Variants in TESC observed in about 807,000 individuals in gnomAD.
TESC encodes calcineurin B homologous protein 3.
A neutral mutation model predicts 31.0 loss-of-function variants in TESC; 19 were observed. The observed-to-expected ratio is 0.61, with a 90% CI of 0.43 to 0.90. The LOEUF is 0.90. TESC is among the 40% of genes least tolerant of loss of function. The pLI is 0.00. For missense variants in TESC, 248 were observed against 303.8 expected (o/e 0.82, Z 1.36); for synonymous variants, 109 against 114.8 (o/e 0.95, Z 0.32).
intron 2 of TESC, among the ~76,000 whole-genome samples, chr12:117,074,324 C>T (rs973577899): frequency 1.5e-4 from 22 of 151,390 alleles, no homozygotes; most frequent in African/African-American, 4.9e-4. Flanking sequence ...GCTATGATCA[C>T]AACACTGCAC....
Position 117,056,862 on chromosome 12 carries a change from C to T in TESC, c.153G>A (p.Pro51=), listed in dbSNP as rs373565239. 2.1e-5 allele frequency: 34 copies of T among 1,613,914 alleles called. No homozygotes were observed. Among genetic ancestry groups the T allele is most frequent in the African/African-American group, 6.7e-5 (5 of 74,892 alleles). ...ATCGGATGGGGTTGAGCTCCAGGTC[C>T]GGGACATTGTTGAAGTTCTCCTTGC... ...TIRKENFNNV[P]DLELNPIRSK... Residue 51 remains proline (P), a synonymous_variant, in exon 3 of 8, where the codon CCG becomes CCA. Coordinates refer to ENST00000335209, the MANE Select transcript of TESC (RefSeq NM_017899.4).
intron 1 of TESC, among the ~76,000 whole-genome samples, chr12:117,078,185 G>A (rs1459292998): frequency 1.3e-5 from 2 of 152,100 alleles, no homozygotes; most frequent in Admixed American, 1.3e-4. Flanking sequence ...AAGCAGATTG[G>A]GGCCGGGCAC....
In TESC at chr12:117,065,194, T is replaced by C. The variant is rs545764574; in HGVS notation, c.129-8308A>G. On this transcript the variant is annotated intron_variant, in intron 2 of 7. Coordinates refer to ENST00000335209, the MANE Select transcript of TESC (RefSeq NM_017899.4). Reference sequence around the variant, plus strand: ...TCCCACATGGTACCGTGAGCCTGGATGGTGGATGGACAGTGAAGACAGACA... The same window carrying C: ...TCCCACATGGTACCGTGAGCCTGGACGGTGGATGGACAGTGAAGACAGACA... 3.3e-5 allele frequency among the ~76,000 whole-genome samples: 5 copies of C among 152,080 alleles called. No homozygotes were observed. In the South Asian group the frequency reaches 8.3e-4, roughly 25 times the overall value.
rs749387406 is a variant in TESC, at chr12:117,099,359, TGGCCTCGGGTCC to T, written c.-89_-78del. ...GGCTTCGGCTGCGCAGCGGCGGGACTGGCCTCGGGTCCGGCCTCGGGTCGGGACGCCGGCGAA... is the reference window on the plus strand; with the variant it reads ...GGCTTCGGCTGCGCAGCGGCGGGACTGGCCTCGGGTCGGGACGCCGGCGAA... On this transcript the variant is annotated 5_prime_UTR_variant, in exon 1 of 8. Coordinates refer to ENST00000335209, the MANE Select transcript of TESC (RefSeq NM_017899.4). 4.6e-4 allele frequency: 598 copies of T among 1,305,832 alleles called. 2 individuals carry two copies. The highest frequency in any genetic ancestry group is 5.8e-4 in the Middle Eastern group (2 of 3,468). 80.9% of individuals were successfully genotyped at this position (1,305,832 alleles called of 1,614,324 possible).
At chr12:117,092,189 G>C (rs972728933) in intron 1 of TESC, among the ~76,000 whole-genome samples, 5 of 152,164 alleles carry the variant, frequency 3.3e-5, no homozygotes, top group African/African-American at 1.2e-4. Context: ...AGCTGGCTGC[G>C]TTTTTTAAGG....
chr12:117,077,373 A>G (rs889915945), intron 1 of TESC, among the ~76,000 whole-genome samples: 4 of 152,218 alleles, frequency 2.6e-5, no homozygotes, highest in Admixed American at 6.5e-5. Flanking sequence ...GATCATAGGT[A>G]TGTCAGCAAG....
intron 1 of TESC, among the ~76,000 whole-genome samples, chr12:117,086,441 T>A (rs562433058): frequency 6.6e-6 from 1 of 151,894 alleles, no homozygotes; most frequent in African/African-American, 2.4e-5. Context: ...GTTAACTTTT[T>A]TTTGAGACAG....
At chr12:117,039,502 G>A (rs1387875375) in intron 7 of TESC, among the ~76,000 whole-genome samples, 2 of 152,186 alleles carry the variant, frequency 1.3e-5, no homozygotes, top group East Asian at 3.9e-4. Flanking sequence ...CAAGGCATTT[G>A]AATCTCACCC....
chr12:117,090,652 A>G (rs1050572647), intron 1 of TESC, among the ~76,000 whole-genome samples: 4 of 152,166 alleles, frequency 2.6e-5, no homozygotes, highest in African/African-American at 7.2e-5. Flanking sequence ...ATATAAACCC[A>G]CATCTATCTG....
rs150127766 is a variant in TESC, at chr12:117,046,618, C to A, written c.460G>T (p.Ala154Ser). The change falls in exon 6 of 8, where the codon GCT (alanine) becomes TCT (serine). Residue 154 changes from alanine to serine, a missense_variant. Transcript: ENST00000335209. ...SGNPHIEKES[A>S]RSIADGAMME... ...ATGGCCCCGTCGGCGATGGAGCGAG[C>A]GGACTCCTTCTCGATGTGAGGGTTT... The A allele has an allele frequency of 1.3e-5, 20 of 1,551,506 alleles. No individual in the cohort carries two copies.
rs1050730701 is a variant in TESC, at chr12:117,095,030, A to AAAG, written c.58+4194_58+4195insCTT. Among the ~76,000 whole-genome samples, 3 of 139,810 alleles carry AAAG rather than the reference A, an allele frequency of 2.1e-5. No individual in the cohort carries two copies. The East Asian group carries it at 6.2e-4, about 29-fold the overall frequency. The allele number at this position is 139,810 out of a possible 152,430, so 91.7% of individuals were successfully genotyped here. On this transcript the variant is annotated intron_variant, in intron 1 of 7. Coordinates refer to ENST00000335209, the MANE Select transcript of TESC (RefSeq NM_017899.4). ...AAAATTCATCTCAAAAAAAAAAAAA[A>AAAG]AGAGAGAGAGACAAGGTTAAGAGGA... is the stretch of plus-strand genomic sequence containing the variant.
At chr12:117,065,905 T>G (rs1373741207) in intron 2 of TESC, among the ~76,000 whole-genome samples, 3 of 152,132 alleles carry the variant, frequency 2.0e-5, no homozygotes, top group Non-Finnish European at 4.4e-5. Context: ...AACATACAGC[T>G]GGTGTTTCAG....
chr12:117,075,807 G>C (rs952792036), intron 1 of TESC, among the ~76,000 whole-genome samples: 1 of 142,870 alleles, frequency 7.0e-6, no homozygotes, highest in African/African-American at 2.6e-5. Flanking sequence ...TGCAACTACA[G>C]GCAAGTGTCA....
chr12:117,096,728 C>T (rs762444685), intron 1 of TESC, among the ~76,000 whole-genome samples: 14 of 152,156 alleles, frequency 9.2e-5, no homozygotes, highest in Non-Finnish European at 1.8e-4. Context: ...AGTGACTTGC[C>T]CAAGGTACCT....
intron 6 of TESC, among the ~76,000 whole-genome samples, chr12:117,046,067 T>C (rs922050066): frequency 2.6e-5 from 4 of 152,138 alleles, no homozygotes; most frequent in South Asian, 2.1e-4. Context: ...TCTGTGTCAT[T>C]TACACACCAG....
chr12:117,090,169 A>T, intron 1 of TESC, among the ~76,000 whole-genome samples: 1 of 152,250 alleles, frequency 6.6e-6, no homozygotes. Flanking sequence ...AAATCTACAG[A>T]AACATGCATT....
chr12:117,094,641 G>T (rs1955366150), intron 1 of TESC, among the ~76,000 whole-genome samples: 1 of 152,154 alleles, frequency 6.6e-6, no homozygotes, highest in Non-Finnish European at 1.5e-5. Flanking sequence ...ACCCTTAAAG[G>T]TCGGATGGAG....
chr12:117,076,326 G>A (rs1438302793), intron 1 of TESC, among the ~76,000 whole-genome samples: 1 of 152,034 alleles, frequency 6.6e-6, no homozygotes, highest in African/African-American at 2.4e-5. Flanking sequence ...AGAAATGGAA[G>A]GACTCCAATC....
chr12:117,064,256 G>A (rs889205994), intron 2 of TESC, among the ~76,000 whole-genome samples: 5 of 152,186 alleles, frequency 3.3e-5, no homozygotes, highest in Non-Finnish European at 7.3e-5. Flanking sequence ...GAGAACTGCT[G>A]GCCTCTTAAT....
Sources: gnomAD v4.1 joint callset for allele counts (sites outside exome capture counted in the v4.1 genomes callset) on GRCh38, gnomAD v4.1.1 for gene constraint, MANE v1.5 for transcripts, NCBI Gene and HGNC (gene_info 2026-07-23, HGNC 2026-07-21) for gene names.